RNF144A: variants seen among roughly 807,000 people sequenced by gnomAD.
RNF144A encodes ring finger protein 144A.
Under a neutral mutation model 38.7 loss-of-function variants are expected in RNF144A, and 11 were observed. The observed-to-expected ratio is 0.28, with a 90% confidence interval of 0.18 to 0.47. The LOEUF is 0.47. Among genes scored for constraint, RNF144A ranks in the 20% least tolerant of loss-of-function variants. The probability of loss-of-function intolerance (pLI) is 0.99; values close to 1 mark genes in which losing one functional copy is unlikely to be tolerated. For synonymous variants in RNF144A, 149 were observed against 143.9 expected (o/e 1.04, Z -0.25); for missense variants, 316 against 377.2 (o/e 0.84, Z 1.34).
intron 2 of RNF144A, among the ~76,000 whole-genome samples, chr2:6,957,006 A>G (rs927732546): frequency 7.9e-5 from 12 of 152,160 alleles, no homozygotes; most frequent in African/African-American, 2.7e-4. Context: ...CGTGTGAGGA[A>G]GCTCCTGGCC....
At chr2:7,037,319 T>C (rs1672744541) in intron 8 of RNF144A, among the ~76,000 whole-genome samples, 2 of 152,240 alleles carry the variant, frequency 1.3e-5, no homozygotes, top group Admixed American at 6.5e-5. Flanking sequence ...TGGTGTGTGA[T>C]TGGCTAAGAA....
At chr2:7,062,791 C>T (rs1156813237) in intron 6 of RNF144A, 1 of 152,198 alleles carries the variant, frequency 6.6e-6, no homozygotes, top group African/African-American at 2.4e-5. Flanking sequence ...GATCCTTAAT[C>T]AGCTCAAATA....
intron 3 of RNF144A, 31 bp downstream of exon 3, chr2:6,997,092 A>G (rs563133212): frequency 1.9e-6 from 3 of 1,608,824 alleles, no homozygotes; most frequent in African/African-American, 1.3e-5. Context: ...TATATGTTAC[A>G]GTGATTTTAG....
At chr2:6,992,056 G>A (rs1260509557) in intron 2 of RNF144A, among the ~76,000 whole-genome samples, 3 of 152,236 alleles carry the variant, frequency 2.0e-5, no homozygotes, top group Non-Finnish European at 4.4e-5. Flanking sequence ...TGAGAGTGTA[G>A]GCCAGGGCCT....
chr2:6,964,876 A>T (rs1396278843), intron 2 of RNF144A, among the ~76,000 whole-genome samples: 1 of 152,104 alleles, frequency 6.6e-6, no homozygotes, highest in African/African-American at 2.4e-5. Context: ...CTAAATGACG[A>T]GTTAATGGGT....
chr2:7,052,863 C>CA (rs869207701), intron 6 of RNF144A, among the ~76,000 whole-genome samples: 2 of 121,988 alleles, frequency 1.6e-5, no homozygotes, highest in East Asian at 4.7e-4. Context: ...ACACACACAC[C>CA]ATTTGCATAT....
intron 1 of RNF144A, among the ~76,000 whole-genome samples, chr2:6,922,814 C>T (rs1166427829): frequency 1.3e-5 from 2 of 152,046 alleles, no homozygotes; most frequent in Admixed American, 6.5e-5. Context: ...TTAGTAGAGA[C>T]GGGGTTTCAC....
intron 2 of RNF144A, among the ~76,000 whole-genome samples, chr2:6,982,992 T>TAGAA: frequency 6.6e-6 from 1 of 152,302 alleles, no homozygotes; most frequent in South Asian, 2.1e-4. Context: ...TACCTAAAGG[T>TAGAA]AGAAATAAGA....
intron 3 of RNF144A, among the ~76,000 whole-genome samples, chr2:7,008,289 C>T (rs1021428846): frequency 2.2e-4 from 34 of 152,384 alleles, no homozygotes; most frequent in Admixed American, 4.6e-4. Context: ...TCCTCGGGAA[C>T]GTCCAGCTTC....
chr2:7,046,957 A>C (rs945756287), downstream of RNF144A, among the ~76,000 whole-genome samples: 4 of 152,194 alleles, frequency 2.6e-5, no homozygotes, highest in African/African-American at 9.7e-5. Flanking sequence ...CTGCACAAGA[A>C]AGATCCAACA....
intron 2 of RNF144A, among the ~76,000 whole-genome samples, chr2:6,995,915 G>C (rs939813432): frequency 6.6e-6 from 1 of 152,144 alleles, no homozygotes; most frequent in Admixed American, 6.5e-5. Flanking sequence ...TGCTGTGTGC[G>C]GCCGACCCTT....
chr2:7,045,217 G>T (rs1027282150), downstream of RNF144A, among the ~76,000 whole-genome samples: 2 of 152,222 alleles, frequency 1.3e-5, no homozygotes, highest in Non-Finnish European at 2.9e-5. Flanking sequence ...CTGACCTGGT[G>T]GGGGCACAGT....
chr2:7,024,745 C>G (rs1303643912), intron 7 of RNF144A, among the ~76,000 whole-genome samples: 2 of 152,194 alleles, frequency 1.3e-5, no homozygotes, highest in Non-Finnish European at 2.9e-5. Context: ...ACACTTCATG[C>G]AGGTTCAGGA....
Position 7,014,770 on chromosome 2 carries a change from G to GAGGT in RNF144A, c.301+3_301+6dup. The GAGGT allele has an allele frequency of 6.2e-7, 1 of 1,608,358 alleles. No individual in the cohort carries two copies. The highest frequency in any genetic ancestry group is 2.2e-5 in the East Asian group (1 of 44,862). ...AGATATAAAAAGCTACAATTTGAAA[G>GAGGT]AGGTAGGTGCCTGGTATATCTGCCG... is the stretch of plus-strand genomic sequence containing the variant. On this transcript the variant is annotated frameshift_variant and splice_region_variant, in exon 5 of 9. Transcript: ENST00000320892. LOFTEE classifies it high-confidence loss of function.
intron 1 of RNF144A, chr2:6,918,763 C>CAAAAAAAAAAAAAAAAAAAA: frequency 2.1e-5 from 1 of 48,760 alleles, no homozygotes; most frequent in African/African-American, 7.9e-5. Flanking sequence ...GACTCCGTCT[C>CAAAAAAAAAAAAAAAAAAAA]AAAAAAAAAA....
In RNF144A at chr2:7,040,936, T is replaced by C. The variant is rs1184720315; in HGVS notation, c.*1176T>C. On this transcript the variant is annotated 3_prime_UTR_variant, in exon 9 of 9. Coordinates refer to ENST00000320892, the MANE Select transcript of RNF144A (RefSeq NM_014746.6). The stretch of plus-strand genomic sequence containing the variant: ...CGTGGGGATTTTACCACTTGATCTT[T>C]TACAGGGCTGTCTGTGACCATTTCC... The C allele has an allele frequency of 1.6e-5, 16 of 985,358 alleles. No individual in the cohort carries two copies. Among genetic ancestry groups the C allele is most frequent in the Non-Finnish European group, 1.8e-5 (15 of 829,952 alleles). 61.0% of individuals were successfully genotyped at this position (985,358 alleles called of 1,614,324 possible).
At position 6,985,270 on chromosome 2, in the gene RNF144A, CTT is replaced by C. The variant is rs748540904; in HGVS notation, c.-11-11624_-11-11623del. Reference sequence around the variant, plus strand: ...GTTTTAATTCATCTCCCTCCCCCCTCTTTTTTTTTTTTTTTTTTTTTTTAACA... The same window carrying C: ...GTTTTAATTCATCTCCCTCCCCCCTCTTTTTTTTTTTTTTTTTTTTTAACA... On this transcript the variant is annotated intron_variant, in intron 2 of 8. Coordinates refer to ENST00000320892, the MANE Select transcript of RNF144A (RefSeq NM_014746.6). 6.6e-3 allele frequency among the ~76,000 whole-genome samples: 688 copies of C among 104,658 alleles called. 5 individuals carry two copies. The highest frequency in any genetic ancestry group is 0.026 in the Middle Eastern group (5 of 190). 68.7% of individuals were successfully genotyped at this position (104,658 alleles called of 152,430 possible). A position where few individuals can be genotyped will look rare whatever the true frequency, so the allele number is the denominator to read the frequency against.
chr2:7,046,604 C>T (rs933856336), downstream of RNF144A, among the ~76,000 whole-genome samples: 1 of 152,160 alleles, frequency 6.6e-6, no homozygotes, highest in Non-Finnish European at 1.5e-5. Flanking sequence ...GGATGAGGCT[C>T]CCAACAAGGG....
intron 3 of RNF144A, among the ~76,000 whole-genome samples, chr2:7,012,125 C>T (rs1471574083): frequency 6.6e-6 from 1 of 152,182 alleles, no homozygotes; most frequent in Non-Finnish European, 1.5e-5. Flanking sequence ...TAACGCACTC[C>T]AGTATCCTCC....
Sources: gnomAD v4.1 joint callset for allele counts (sites outside exome capture counted in the v4.1 genomes callset) on GRCh38, gnomAD v4.1.1 for gene constraint, MANE v1.5 for transcripts, NCBI Gene and HGNC (gene_info 2026-07-23, HGNC 2026-07-21) for gene names.